Variants in EYA1 observed in about 807,000 individuals in gnomAD.
EYA1 encodes the protein protein phosphatase EYA1.
Under a neutral mutation model 82.0 loss-of-function variants are expected in EYA1, and 16 were observed. The observed-to-expected ratio is 0.20, with a 90% CI of 0.13 to 0.30. The LOEUF is 0.30. Ranked by LOEUF, EYA1 falls within the 10% of genes least tolerant of loss-of-function variation. The pLI is 1.00. For synonymous variants in EYA1, 261 were observed against 264.4 expected, an observed-to-expected ratio of 0.99 and a Z score of 0.12; for missense variants, 633 against 730.7, an observed-to-expected ratio of 0.87 and a Z score of 1.54.
chr8:71,419,225 A>C (rs1193790418), intron 2 of EYA1, among the ~76,000 whole-genome samples: 1 of 152,202 alleles, frequency 6.6e-6, no homozygotes, highest in Non-Finnish European at 1.5e-5. Context: ...AATGGAAGCA[A>C]GGGAACCAAA....
intron 2 of EYA1, among the ~76,000 whole-genome samples, chr8:71,443,738 A>C (rs1806612430): frequency 6.6e-6 from 1 of 152,216 alleles, no homozygotes; most frequent in Admixed American, 6.5e-5. Context: ...CATGCCACTG[A>C]ATGATATTAC....
intron 17 of EYA1, among the ~76,000 whole-genome samples, chr8:71,204,602 G>C (rs1188967595): frequency 6.6e-6 from 1 of 152,158 alleles, no homozygotes; most frequent in African/African-American, 2.4e-5. Context: ...AAAAGCATTA[G>C]AGATGCAAAG....
chr8:71,259,791 T>G (rs969909781), intron 11 of EYA1, among the ~76,000 whole-genome samples: 5 of 152,220 alleles, frequency 3.3e-5, no homozygotes, highest in African/African-American at 9.6e-5. Context: ...TTTCTGAGTA[T>G]AAAAACAAAA....
At chr8:71,410,753 T>C (rs1345452738) in intron 2 of EYA1, among the ~76,000 whole-genome samples, 1 of 150,644 alleles carries the variant, frequency 6.6e-6, no homozygotes, top group Non-Finnish European at 1.5e-5. Flanking sequence ...TGGAAGAACA[T>C]TCCATGCTCA....
chr8:71,359,162 GAATTCA>G (rs1194163874), intron 1 of EYA1, among the ~76,000 whole-genome samples: 1 of 152,114 alleles, frequency 6.6e-6, no homozygotes, highest in Non-Finnish European at 1.5e-5. Flanking sequence ...GAACTTCTTA[GAATTCA>G]AATTCAAGAA....
At chr8:71,268,837 G>C (rs968155273) in intron 11 of EYA1, among the ~76,000 whole-genome samples, 1 of 152,124 alleles carries the variant, frequency 6.6e-6, no homozygotes, top group African/African-American at 2.4e-5. Context: ...GGTCAAATTT[G>C]TAATAACAGT....
At chr8:71,448,607 AG>A in intron 2 of EYA1, among the ~76,000 whole-genome samples, 1 of 152,370 alleles carries the variant, frequency 6.6e-6, no homozygotes, top group Non-Finnish European at 1.5e-5. Context: ...CATCTAGAAC[AG>A]TGAATGCTGT....
At chr8:71,493,432 A>G (rs1019211979) in intron 2 of EYA1, among the ~76,000 whole-genome samples, 1 of 152,206 alleles carries the variant, frequency 6.6e-6, no homozygotes, top group Non-Finnish European at 1.5e-5. Flanking sequence ...GTAAACAGTA[A>G]TACAATAGCC....
At chr8:71,530,995 AGAGTCTTAG>A (rs1357901999) in intron 2 of EYA1, 1 of 152,238 alleles carries the variant, frequency 6.6e-6, no homozygotes, top group Non-Finnish European at 1.5e-5. Flanking sequence ...TGCTCCTTTT[AGAGTCTTAG>A]GAGACCTAAT....
At chr8:71,300,883 A>C (rs879765853) in intron 7 of EYA1, among the ~76,000 whole-genome samples, 3 of 152,192 alleles carry the variant, frequency 2.0e-5, no homozygotes, top group Non-Finnish European at 2.9e-5. Flanking sequence ...AATATTTTTA[A>C]AGCATGACAA....
At chr8:71,219,744 A>G (rs2128861079) in intron 12 of EYA1, among the ~76,000 whole-genome samples, 1 of 152,342 alleles carries the variant, frequency 6.6e-6, no homozygotes, top group Admixed American at 6.5e-5. Flanking sequence ...GCAGAACTGC[A>G]CAATGTGTTA....
At position 71,317,195 on chromosome 8, in the gene EYA1, G is replaced by A. The variant is rs75052242; in HGVS notation, c.556+357C>T. Among the ~76,000 whole-genome samples the A allele has an allele frequency of 2.7e-3, 406 of 152,260 alleles. 18 individuals carry two copies. In the East Asian group the frequency reaches 0.068, roughly 26 times the overall value. ...AAAGTTGGATGGTAATACCAAGTGC[G>A]TAAGTTTTTAGTACATGCCATATCA... On this transcript the variant is annotated intron_variant, in intron 7 of 17. Transcript: ENST00000340726.
Position 71,390,404 on chromosome 8 carries a change from A to G in EYA1, c.34-33893T>C, listed in dbSNP as rs534982759. On this transcript the variant is annotated intron_variant, in intron 2 of 18. Coordinates refer to the EYA1 transcript ENST00000643681. ...CAGTCTCCTGAGTAACTGTGACTACAGGTATGTACCACCATGCCCAACTAA... is the reference window on the plus strand; with the variant it reads ...CAGTCTCCTGAGTAACTGTGACTACGGGTATGTACCACCATGCCCAACTAA... 2.4e-3 allele frequency among the ~76,000 whole-genome samples: 365 copies of G among 152,102 alleles called. 2 individuals are homozygous for G. The highest frequency in any genetic ancestry group is 0.014 in the Middle Eastern group (4 of 294).
At chr8:71,325,430 T>C (rs936503658) in intron 4 of EYA1, among the ~76,000 whole-genome samples, 2 of 152,216 alleles carry the variant, frequency 1.3e-5, no homozygotes, top group African/African-American at 2.4e-5. Context: ...AACTATGGGC[T>C]TCTGGGGCCA....
At chr8:71,529,177 T>A (rs1814057100) in intron 2 of EYA1, among the ~76,000 whole-genome samples, 2 of 152,334 alleles carry the variant, frequency 1.3e-5, no homozygotes, top group South Asian at 4.1e-4. Context: ...TGAATCCAAG[T>A]CAAGGTTCTC....
At chr8:71,356,588 G>A in intron 1 of EYA1, 77 bp from the exon 2 acceptor site, 1 of 1,496,040 alleles carries the variant, frequency 6.7e-7, no homozygotes, top group African/African-American at 1.4e-5. Flanking sequence ...CAGAGCACAT[G>A]GCTGAGAACG....
intron 2 of EYA1, among the ~76,000 whole-genome samples, chr8:71,473,873 A>C (rs1809431949): frequency 6.6e-6 from 1 of 152,196 alleles, no homozygotes; most frequent in African/African-American, 2.4e-5. Context: ...TGCAGCCATA[A>C]AAAGGATGAG....
At chr8:71,339,334 G>A (rs1355626944) in intron 3 of EYA1, among the ~76,000 whole-genome samples, 1 of 152,006 alleles carries the variant, frequency 6.6e-6, no homozygotes, top group African/African-American at 2.4e-5. Context: ...ATCTCTCATT[G>A]TTCACTGTTC....
chr8:71,354,734 G>T, intron 3 of EYA1, 48 bp downstream of exon 3: 1 of 1,588,900 alleles, frequency 6.3e-7, no homozygotes, highest in Non-Finnish European at 8.6e-7. Context: ...AGCATATACT[G>T]ATGAAGAAAC....
Sources: allele counts gnomAD v4.1 joint callset (sites outside exome capture counted in the v4.1 genomes callset), GRCh38; gene constraint gnomAD v4.1.1; transcripts MANE v1.5; gene names NCBI Gene and HGNC (gene_info 2026-07-23, HGNC 2026-07-21).